The following SMOC1 variants were observed in gnomAD, a reference collection of about 807,000 sequenced individuals.
The protein encoded by SMOC1 is SPARC related modular calcium binding 1, also known as SPARC-related modular calcium-binding protein 1.
Under a neutral mutation model 56.3 loss-of-function variants are expected in SMOC1, and 22 were observed. That is an observed-to-expected ratio of 0.39 (90% CI 0.28 to 0.56). SMOC1 has a LOEUF of 0.56. Among genes scored for constraint, SMOC1 ranks in the 20% least tolerant of loss-of-function variants. The pLI is 0.61. For synonymous variants in SMOC1, 193 were observed against 215.0 expected, an observed-to-expected ratio of 0.90 and a Z score of 0.89; for missense variants, 509 against 565.4, an observed-to-expected ratio of 0.90 and a Z score of 1.01.
At chr14:69,976,230 C>G (rs11629320) in intron 4 of SMOC1, among the ~76,000 whole-genome samples, 12,722 of 152,158 alleles carry the variant, frequency 0.084, 1,239 homozygotes, top group African/African-American at 0.23. Flanking sequence ...ATCATGGGAT[C>G]AGGAGAGAAG....
At chr14:69,879,798 G>A in intron 1 of SMOC1, 21 bp downstream of exon 1, 1 of 1,568,232 alleles carries the variant, frequency 6.4e-7, no homozygotes, top group Non-Finnish European at 8.6e-7. Context: ...CCCCAGCTTT[G>A]CGCCCACCTG....
chr14:69,957,470 A>G (rs751089488), intron 3 of SMOC1, among the ~76,000 whole-genome samples: 1 of 152,204 alleles, frequency 6.6e-6, no homozygotes, highest in Non-Finnish European at 1.5e-5. Context: ...TGAGAGCCTA[A>G]GACAAGTTGT....
At chr14:69,977,575 T>C (rs1884010883) in intron 4 of SMOC1, among the ~76,000 whole-genome samples, 1 of 151,968 alleles carries the variant, frequency 6.6e-6, no homozygotes, top group Non-Finnish European at 1.5e-5. Context: ...TGGTGAGAAG[T>C]TGGGGAGATG....
intron 3 of SMOC1, among the ~76,000 whole-genome samples, chr14:69,959,129 G>A (rs1398577860): frequency 6.6e-6 from 1 of 152,122 alleles, no homozygotes; most frequent in Non-Finnish European, 1.5e-5. Flanking sequence ...CAAGAATGGT[G>A]TAATGTTATA....
intron 1 of SMOC1, among the ~76,000 whole-genome samples, chr14:69,898,821 T>TTTTG (rs755599693): frequency 6.6e-6 from 1 of 152,156 alleles, no homozygotes; most frequent in African/African-American, 2.4e-5. Flanking sequence ...AAACTGTGTG[T>TTTTG]TTTGTTTGTT....
At chr14:69,967,487 A>G (rs1441359690) in intron 3 of SMOC1, among the ~76,000 whole-genome samples, 11 of 152,118 alleles carry the variant, frequency 7.2e-5, no homozygotes, top group African/African-American at 2.4e-4. Flanking sequence ...CTCATCAGCT[A>G]TTGTTAGTGT....
intron 3 of SMOC1, among the ~76,000 whole-genome samples, chr14:69,965,075 G>A (rs1415246985): frequency 1.3e-5 from 2 of 152,106 alleles, no homozygotes. Flanking sequence ...AACAACCAAA[G>A]GATGGATAAA....
At chr14:69,953,101 G>T (rs1302657390) in intron 2 of SMOC1, among the ~76,000 whole-genome samples, 1 of 152,150 alleles carries the variant, frequency 6.6e-6, no homozygotes. Context: ...CCCCTGTTAG[G>T]CTTACCACTT....
chr14:69,944,153 G>T (rs1313933495), intron 1 of SMOC1, among the ~76,000 whole-genome samples: 1 of 152,234 alleles, frequency 6.6e-6, no homozygotes, highest in African/African-American at 2.4e-5. Flanking sequence ...GGAGCTTACA[G>T]TCCGGTGGAG....
chr14:69,994,720 G>A lies in SMOC1; in HGVS notation c.664+240G>A, dbSNP rs151273631. ...ATCCTCTTAACAAATTTCTTTGACTGTATATTATAATATTTTGGTTAACTT... is the reference window on the plus strand; with the variant it reads ...ATCCTCTTAACAAATTTCTTTGACTATATATTATAATATTTTGGTTAACTT... On this transcript the variant is annotated intron_variant, in intron 7 of 11. Coordinates refer to ENST00000361956, the MANE Select transcript of SMOC1 (RefSeq NM_001034852.3). Among the ~76,000 whole-genome samples the A allele has an allele frequency of 2.3e-3, 343 of 152,226 alleles. 1 individual carries two copies. The highest frequency in any genetic ancestry group is 8.1e-3 in the African/African-American group (335 of 41,524).
intron 3 of SMOC1, among the ~76,000 whole-genome samples, chr14:69,955,631 T>C (rs1184035084): frequency 6.6e-6 from 1 of 152,172 alleles, no homozygotes; most frequent in Admixed American, 6.5e-5. Context: ...TTCCCATCTC[T>C]ACTGTAGTTC....
intron 7 of SMOC1, among the ~76,000 whole-genome samples, chr14:70,007,971 G>A (rs2139580810): frequency 6.6e-6 from 1 of 152,164 alleles, no homozygotes; most frequent in Non-Finnish European, 1.5e-5. Context: ...TTTCTTAGAG[G>A]CACCTGGACT....
At chr14:70,004,248 C>T (rs1200212272) in intron 7 of SMOC1, among the ~76,000 whole-genome samples, 2 of 152,158 alleles carry the variant, frequency 1.3e-5, no homozygotes, top group African/African-American at 4.8e-5. Flanking sequence ...GTAAGATTAG[C>T]CTTTTTTCTT....
At chr14:69,931,696 C>T (rs1243419257) in intron 1 of SMOC1, among the ~76,000 whole-genome samples, 2 of 152,090 alleles carry the variant, frequency 1.3e-5, no homozygotes, top group African/African-American at 4.8e-5. Flanking sequence ...CCAGGTCTTA[C>T]CACAATTATG....
rs1438951249 is a variant in SMOC1, at chr14:69,952,293, T to C, written c.255T>C (p.Gly85=). ...CGACCCTGGGCGTGGTGCATCGAGG[T>C]AGATGCAAAGGTGAGTGTGTGCACC... The part of the protein sequence containing the change: ...RDPTLGVVHR[G]RCKDAGQSKC... The change falls in exon 2 of 12, where the codon GGT becomes GGC. Residue 85 remains glycine (G), a synonymous_variant. Coordinates refer to ENST00000361956, the MANE Select transcript of SMOC1 (RefSeq NM_001034852.3). The C allele has an allele frequency of 1.9e-6, 3 of 1,613,868 alleles. No individual in the cohort carries two copies. In the South Asian group the frequency reaches 3.3e-5, roughly 18 times the overall value.
chr14:69,986,095 T>C (rs908584448), intron 5 of SMOC1, among the ~76,000 whole-genome samples: 1 of 152,222 alleles, frequency 6.6e-6, no homozygotes, highest in Non-Finnish European at 1.5e-5. Flanking sequence ...TGTTGATATA[T>C]GCAACCACAA....
chr14:69,927,067 T>C (rs78354791), intron 1 of SMOC1, among the ~76,000 whole-genome samples: 11,831 of 152,332 alleles, frequency 0.078, 619 homozygotes, highest in Non-Finnish European at 0.12. Context: ...ATGTGGTGGT[T>C]CCGTTATCAT....
chr14:69,914,559 G>A (rs1884633951), intron 1 of SMOC1, among the ~76,000 whole-genome samples: 1 of 150,410 alleles, frequency 6.6e-6, no homozygotes, highest in Admixed American at 6.7e-5. Flanking sequence ...ATCAGAAGTG[G>A]GAGACACCAG....
intron 5 of SMOC1, among the ~76,000 whole-genome samples, chr14:69,980,277 G>T (rs751505317): frequency 7.2e-5 from 11 of 152,188 alleles, no homozygotes; most frequent in Admixed American, 1.3e-4. Flanking sequence ...GGGATAAGCT[G>T]CTCTCAGTTC....
Sources: allele counts gnomAD v4.1 joint callset (sites outside exome capture counted in the v4.1 genomes callset), GRCh38; gene constraint gnomAD v4.1.1; transcripts MANE v1.5; gene names NCBI Gene and HGNC (gene_info 2026-07-23, HGNC 2026-07-21).